WDR13: variants seen among roughly 807,000 people sequenced by gnomAD.
WDR13 encodes the protein WD repeat-containing protein 13.
Under a neutral mutation model 28.6 loss-of-function variants are expected in WDR13, and 1 was observed. The observed-to-expected ratio is 0.03, with a 90% CI of 0.01 to 0.17. WDR13 has a LOEUF of 0.17. WDR13 is among the 10% of genes least tolerant of loss of function. The probability of loss-of-function intolerance (pLI) is 1.00; values close to 1 mark genes in which losing one functional copy is unlikely to be tolerated. For synonymous variants in WDR13, 201 were observed against 185.9 expected, an observed-to-expected ratio of 1.08 and a Z score of -0.66; for missense variants, 264 against 469.3, an observed-to-expected ratio of 0.56 and a Z score of 4.04.
In WDR13 at chrX:48,605,132, G is replaced by T; in HGVS notation, c.*100G>T. On this transcript the variant is annotated 3_prime_UTR_variant, in exon 10 of 10. Transcript: ENST00000376729. ...TGGTCATGCTGAGGGCCGGCTCCCAGCTCTGCCGGGGACGGACAGGGCAGA... is the reference window on the plus strand; with the variant it reads ...TGGTCATGCTGAGGGCCGGCTCCCATCTCTGCCGGGGACGGACAGGGCAGA... The T allele has an allele frequency of 2.9e-6, 3 of 1,041,905 alleles. No individual in the cohort carries two copies. Among genetic ancestry groups the T allele is most frequent in the East Asian group, 3.3e-5 (1 of 30,073 alleles). 85.9% of individuals were successfully genotyped at this position (1,041,905 alleles called of 1,213,427 possible).
chrX:48,599,197 A>T, intron 3 of WDR13, 156 bp from the exon 4 acceptor site: 1 of 621,026 alleles, frequency 1.6e-6, no homozygotes, highest in Non-Finnish European at 2.5e-6. Context: ...AGAACTCGTG[A>T]GGAAGCCACT....
rs1266166425 is a variant in WDR13, at chrX:48,599,237, T to C, written c.283-116T>C. ...TAGTACAAGTGGGCAGCGGTGGTGG[T>C]GGCAGGGGACACAGTGAGAAGTGAT... On this transcript the variant is annotated intron_variant, in intron 3 of 9. Coordinates refer to ENST00000376729, the MANE Select transcript of WDR13 (RefSeq NM_001347217.2). The C allele has an allele frequency of 1.5e-5, 10 of 652,472 alleles. No individual in the cohort carries two copies. The African/African-American group carries it at 2.3e-4, about 15-fold the overall frequency. The allele number at this position is 652,472 out of a possible 1,213,427, so 53.8% of individuals were successfully genotyped here.
intron 5 of WDR13, 95 bp from the exon 6 acceptor site, chrX:48,600,224 G>A: frequency 9.7e-7 from 1 of 1,030,712 alleles, no homozygotes; most frequent in Non-Finnish European, 1.3e-6. Context: ...TCATGCAGTG[G>A]GGCCCCAGCC....
intron 6 of WDR13, among the ~76,000 whole-genome samples, chrX:48,601,371 G>A (rs2062184725): frequency 8.9e-6 from 1 of 112,353 alleles, no homozygotes; most frequent in South Asian, 3.6e-4. Context: ...GTGTAGTGGG[G>A]TGAACTGCAG....
rs2062217137 is a variant in WDR13 at position 48,605,600 on chromosome X, CTG to C, written c.*570_*571del. ...TTTGTTTTTGAGACAGGGTCTCACT[CTG>C]TCACCCAGGTTGGAATGCAGTGGCA... On this transcript the variant is annotated 3_prime_UTR_variant, in exon 10 of 10. Transcript: ENST00000376729. 1 of 113,226 alleles carries C rather than the reference CTG, an allele frequency of 8.8e-6. No individual in the cohort carries two copies. Among genetic ancestry groups the C allele is most frequent in the Non-Finnish European group, 1.8e-5 (1 of 54,207 alleles). The allele number at this position is 113,226 out of a possible 1,213,427, so 9.3% of individuals were successfully genotyped here. A position where few individuals can be genotyped will look rare whatever the true frequency, so the allele number is the denominator to read the frequency against.
chrX:48,599,228 C>T lies in WDR13; in HGVS notation c.283-125C>T. The T allele has an allele frequency of 9.5e-6, 6 of 631,367 alleles. No individual in the cohort carries two copies. In the South Asian group the frequency reaches 1.2e-4, roughly 13 times the overall value. 52.0% of individuals were successfully genotyped at this position (631,367 alleles called of 1,213,427 possible). On this transcript the variant is annotated intron_variant, in intron 3 of 9. Coordinates refer to ENST00000376729, the MANE Select transcript of WDR13 (RefSeq NM_001347217.2). ...CCACTGCAGTAGTACAAGTGGGCAGCGGTGGTGGTGGCAGGGGACACAGTG... is the reference window on the plus strand; with the variant it reads ...CCACTGCAGTAGTACAAGTGGGCAGTGGTGGTGGTGGCAGGGGACACAGTG...
At chrX:48,602,645 A>G (rs1173677840) in intron 8 of WDR13, among the ~76,000 whole-genome samples, 2 of 106,156 alleles carry the variant, frequency 1.9e-5, no homozygotes, top group Non-Finnish European at 3.9e-5. Context: ...GAATGACCTG[A>G]AGAGCTTCAA....
chrX:48,602,201 C>G lies in WDR13; in HGVS notation c.1149C>G (p.Leu383=). 3 of 1,206,459 alleles carry G rather than the reference C, an allele frequency of 2.5e-6. No homozygotes were observed. Among genetic ancestry groups the G allele is most frequent in the Non-Finnish European group, 3.4e-6 (3 of 890,831 alleles). Residue 383 remains leucine, a synonymous_variant, in exon 8 of 10, where the codon CTC becomes CTG. Coordinates refer to ENST00000376729, the MANE Select transcript of WDR13 (RefSeq NM_001347217.2). ...ATGCTTGCCTCAACAAGTTGCTGCT[C>G]TACAGGTGGGTCCCCCATCAGGGCC... ...LINACLNKLL[L]YRVVDNEGTL... is the part of the protein sequence containing the mutation.
chrX:48,597,613 A>C lies in WDR13; in HGVS notation c.-41A>C. 1 of 170,857 alleles carries C rather than the reference A, an allele frequency of 5.9e-6. No homozygotes were observed. Among genetic ancestry groups the C allele is most frequent in the Non-Finnish European group, 1.1e-5 (1 of 90,552 alleles). 14.1% of individuals were successfully genotyped at this position (170,857 alleles called of 1,213,427 possible). A position where few individuals can be genotyped will look rare whatever the true frequency, so the allele number is the denominator to read the frequency against. ...CCTCAAGAACCGGAGGCAGCCCCGG[A>C]GGTGGTCCCCGATCCCGGGCTATGC... On this transcript the variant is annotated splice_region_variant and 5_prime_UTR_variant, in exon 1 of 10. Transcript: ENST00000376729.
At chrX:48,600,090 T>C in intron 5 of WDR13, 1 of 428,986 alleles carries the variant, frequency 2.3e-6, no homozygotes, top group Non-Finnish European at 3.9e-6. Context: ...CTTTTTCATG[T>C]TGCAGAAGAC....
In WDR13 at chrX:48,605,514, T is replaced by A. The variant is rs1485489840; in HGVS notation, c.*482T>A. 8.7e-6 allele frequency: 1 copy of A among 114,926 alleles called. No individual in the cohort carries two copies. Among genetic ancestry groups the A allele is most frequent in the African/African-American group, 3.3e-5 (1 of 30,662 alleles). 9.5% of individuals were successfully genotyped at this position (114,926 alleles called of 1,213,427 possible). On this transcript the variant is annotated 3_prime_UTR_variant, in exon 10 of 10. Transcript: ENST00000376729. Reference sequence around the variant, plus strand: ...GGATGGGAGACAGAGCTGCAGAAGTTGGGGGAGTGGGCTCTTTATGGTGAC... The same window carrying A: ...GGATGGGAGACAGAGCTGCAGAAGTAGGGGGAGTGGGCTCTTTATGGTGAC...
intron 8 of WDR13, 185 bp from the exon 9 acceptor site, chrX:48,604,087 C>T (rs190827214): frequency 1.8e-4 from 75 of 407,894 alleles, no homozygotes; most frequent in African/African-American, 1.1e-3. Flanking sequence ...TGCAGTGAGC[C>T]GTGATCGCAC....
intron 1 of WDR13, 80 bp downstream of exon 1, chrX:48,597,694 G>A: frequency 3.2e-6 from 1 of 316,628 alleles, no homozygotes; most frequent in Non-Finnish European, 5.5e-6. Context: ...GGTGGAGAAT[G>A]TCAAGCAAGG....
In WDR13 at chrX:48,599,302, G is replaced by T. The variant is rs374842804; in HGVS notation, c.283-51G>T. The T allele has an allele frequency of 5.8e-5, 58 of 1,006,682 alleles. 1 individual carries two copies. Among genetic ancestry groups the T allele is most frequent in the Middle Eastern group, 6.9e-4 (2 of 2,896 alleles). The allele number at this position is 1,006,682 out of a possible 1,213,427, so 83.0% of individuals were successfully genotyped here. ...ATTTTCAGGGCTCCACACCTCAAAGGTTCTCGGGCTTTTTGCAAGATGCAC... is the reference window on the plus strand; with the variant it reads ...ATTTTCAGGGCTCCACACCTCAAAGTTTCTCGGGCTTTTTGCAAGATGCAC... On this transcript the variant is annotated intron_variant, in intron 3 of 9. Coordinates refer to ENST00000376729, the MANE Select transcript of WDR13 (RefSeq NM_001347217.2).
At chrX:48,599,847 T>G (rs1556993908) in intron 5 of WDR13, 130 bp downstream of exon 5, 2 of 989,985 alleles carry the variant, frequency 2.0e-6, no homozygotes, top group Non-Finnish European at 2.7e-6. Flanking sequence ...ATAAAGCCTT[T>G]TGTAGACTGA....
chrX:48,602,280 C>T, intron 8 of WDR13, 74 bp downstream of exon 8: 1 of 1,075,728 alleles, frequency 9.3e-7, no homozygotes, highest in Non-Finnish European at 1.3e-6. Context: ...TAGCTCATCT[C>T]CTCCATCAGG....
intron 2 of WDR13, 45 bp from the exon 3 acceptor site, chrX:48,598,672 C>T: frequency 2.1e-6 from 2 of 952,356 alleles, no homozygotes; most frequent in Non-Finnish European, 2.7e-6. Context: ...TGATTGATTC[C>T]CTCTGTCCTG....
chrX:48,604,479 G>C, intron 9 of WDR13, 89 bp downstream of exon 9: 1 of 810,751 alleles, frequency 1.2e-6, no homozygotes, highest in Non-Finnish European at 1.8e-6. Flanking sequence ...TCACGACACC[G>C]ATGCCCTGAC....
intron 5 of WDR13, 154 bp from the exon 6 acceptor site, chrX:48,600,165 C>T (rs1478733879): frequency 1.8e-5 from 10 of 541,202 alleles, no homozygotes; most frequent in Admixed American, 1.3e-4. Flanking sequence ...TCAGGGGTTA[C>T]AGTTCCCTTT....
Sources: allele counts gnomAD v4.1 joint callset (sites outside exome capture counted in the v4.1 genomes callset), GRCh38; gene constraint gnomAD v4.1.1; transcripts MANE v1.5; gene names NCBI Gene and HGNC (gene_info 2026-07-23, HGNC 2026-07-21).